Variants in GDPD1 observed in about 807,000 individuals in gnomAD.
GDPD1 encodes the protein glycerophosphodiester phosphodiesterase domain containing 1, also known as lysophospholipase D GDPD1.
Under a neutral mutation model 45.1 loss-of-function variants are expected in GDPD1, and 28 were observed. The ratio of observed to expected loss-of-function variants is 0.62; its 90% CI spans 0.46 to 0.85. The LOEUF (loss-of-function observed/expected upper bound fraction) is 0.85. GDPD1 is among the 40% of genes least tolerant of loss of function. The probability of loss-of-function intolerance (pLI) is 0.00; values close to 1 mark genes in which losing one functional copy is unlikely to be tolerated. For synonymous variants in GDPD1, 139 were observed against 131.4 expected (o/e 1.06, Z -0.40); for missense variants, 256 against 364.8 (o/e 0.70, Z 2.43).
chr17:59,238,251 A>G (rs1338318636), intron 2 of GDPD1, among the ~76,000 whole-genome samples: 4 of 140,564 alleles, frequency 2.8e-5, no homozygotes, highest in Admixed American at 7.3e-5. Flanking sequence ...CTGGGCAACA[A>G]GAGTGAAACT....
chr17:59,244,935 G>A (rs1028747013), intron 2 of GDPD1, among the ~76,000 whole-genome samples: 16 of 152,262 alleles, frequency 1.1e-4, no homozygotes, highest in African/African-American at 3.6e-4. Context: ...GTTTGAGGAT[G>A]CAATGAGCCA....
chr17:59,250,880 A>G (rs1228346065), intron 4 of GDPD1, among the ~76,000 whole-genome samples: 1 of 151,996 alleles, frequency 6.6e-6, no homozygotes, highest in Non-Finnish European at 1.5e-5. Context: ...TTGTATTTTT[A>G]GTAGAGACGA....
At position 59,239,814 on chromosome 17, in the gene GDPD1, A is replaced by G. The variant is rs78220131; in HGVS notation, c.185+5280A>G. On this transcript the variant is annotated intron_variant, in intron 2 of 9. Coordinates refer to ENST00000284116, the MANE Select transcript of GDPD1 (RefSeq NM_182569.4). ...AGGACACACTGTTTTTTTTTTTTTA[A>G]CCTCCCCCTCTCCAGCTCAAGCGAT... Among the ~76,000 whole-genome samples the G allele has an allele frequency of 2.0e-5, 3 of 147,674 alleles. No homozygotes were observed. In the Admixed American group the frequency reaches 2.0e-4, roughly 10 times the overall value.
chr17:59,270,437 G>A (rs1445524310), intron 7 of GDPD1, among the ~76,000 whole-genome samples: 1 of 151,938 alleles, frequency 6.6e-6, no homozygotes, highest in African/African-American at 2.4e-5. Flanking sequence ...GAACTCAGGT[G>A]ATGCACCAGC....
chr17:59,262,629 GTTTTTTTTTGTTTT>G (rs1393673998), intron 6 of GDPD1, among the ~76,000 whole-genome samples: 4 of 131,190 alleles, frequency 3.0e-5, no homozygotes, highest in African/African-American at 1.1e-4. Context: ...TCTTGGTTTT[GTTTTTTTTTGTTTT>G]TTTTTTTTGA....
chr17:59,269,482 C>G (rs542258752), intron 7 of GDPD1, among the ~76,000 whole-genome samples: 16 of 147,274 alleles, frequency 1.1e-4, no homozygotes, highest in South Asian at 2.3e-4. Context: ...TCTACCCCCC[C>G]CCCCAAAAAA....
rs142020047 is a variant in GDPD1, at chr17:59,253,678, T to C, written c.368-3444T>C. On this transcript the variant is annotated intron_variant, in intron 4 of 9. Transcript: ENST00000284116. ...GATTCTTACATGCATCTTACTTGAC[T>C]GCTAAATTAATTTTTTAATTTGCCC... Among the ~76,000 whole-genome samples the C allele has an allele frequency of 1.6e-4, 24 of 152,326 alleles. No individual in the cohort carries two copies. The Middle Eastern group carries it at 0.01, about 65-fold the overall frequency.
chr17:59,268,420 CA>C (rs1346641303), intron 7 of GDPD1, among the ~76,000 whole-genome samples: 9 of 149,588 alleles, frequency 6.0e-5, no homozygotes, highest in Admixed American at 4.7e-4. Context: ...ACTAAAAATA[CA>C]AAAAAAAATT....
intron 6 of GDPD1, among the ~76,000 whole-genome samples, chr17:59,263,850 C>A (rs1367303127): frequency 6.6e-6 from 1 of 151,180 alleles, no homozygotes; most frequent in Non-Finnish European, 1.5e-5. Context: ...GATGTAAACC[C>A]AAAATATAAA....
intron 7 of GDPD1, among the ~76,000 whole-genome samples, chr17:59,267,484 C>G (rs1249501216): frequency 3.3e-5 from 5 of 152,030 alleles, no homozygotes; most frequent in Non-Finnish European, 7.4e-5. Flanking sequence ...CCTCCACTTT[C>G]CCTTATTGCT....
At chr17:59,246,292 C>CA (rs1364875280) in intron 3 of GDPD1, among the ~76,000 whole-genome samples, 2 of 151,796 alleles carry the variant, frequency 1.3e-5, no homozygotes, top group African/African-American at 4.8e-5. Flanking sequence ...CACTGTGCAT[C>CA]ATGTATATTG....
At chr17:59,252,345 C>T (rs1018987480) in intron 4 of GDPD1, among the ~76,000 whole-genome samples, 8 of 151,750 alleles carry the variant, frequency 5.3e-5, no homozygotes, top group South Asian at 2.1e-4. Flanking sequence ...TTCAAGCAAT[C>T]CTCCTGCCTC....
At chr17:59,256,642 T>G (rs117467343) in intron 4 of GDPD1, among the ~76,000 whole-genome samples, 1 of 152,150 alleles carries the variant, frequency 6.6e-6, no homozygotes, top group Non-Finnish European at 1.5e-5. Flanking sequence ...TTTAAAAAAT[T>G]ATGATAGAAT....
rs144557805 is a variant in GDPD1 at position 59,232,054 on chromosome 17, G to A, written c.143-2438G>A. Among the ~76,000 whole-genome samples the A allele has an allele frequency of 5.2e-3, 789 of 152,242 alleles. 11 individuals carry two copies. Among genetic ancestry groups the A allele is most frequent in the African/African-American group, 0.018 (747 of 41,552 alleles). Reference sequence around the variant, plus strand: ...ACTCTGGCCTTTGACTATGTTTAGCGATGATAATGAACAAGTTGGTGACTT... The same window carrying A: ...ACTCTGGCCTTTGACTATGTTTAGCAATGATAATGAACAAGTTGGTGACTT... On this transcript the variant is annotated intron_variant, in intron 1 of 9. Transcript: ENST00000284116.
chr17:59,261,034 A>G (rs902468253), intron 6 of GDPD1, among the ~76,000 whole-genome samples: 2 of 151,964 alleles, frequency 1.3e-5, no homozygotes, highest in Admixed American at 6.6e-5. Context: ...TGCATGATTT[A>G]GGCTCACTGC....
intron 1 of GDPD1, among the ~76,000 whole-genome samples, chr17:59,227,899 G>A (rs1272385238): frequency 6.6e-6 from 1 of 152,222 alleles, no homozygotes; most frequent in African/African-American, 2.4e-5. Context: ...GCTGGGCACA[G>A]TGGCTTACGC....
rs71367681 is a variant in GDPD1 at position 59,259,566 on chromosome 17, CAAAAAAAA to C, written c.576+1744_576+1751del. On this transcript the variant is annotated intron_variant, in intron 6 of 9. Transcript: ENST00000284116. ...TGGGTGACAGAGCAAGACTCTGTCT[CAAAAAAAA>C]AAAAAAAAAAAAAAAAATACAAAAA... 5.6e-4 allele frequency among the ~76,000 whole-genome samples: 14 copies of C among 24,848 alleles called. No individual in the cohort carries two copies. The East Asian group carries it at 7.6e-3, about 14-fold the overall frequency. The allele number at this position is 24,848 out of a possible 152,430, so 16.3% of individuals were successfully genotyped here.
At chr17:59,265,285 A>G (rs1372293412) in intron 6 of GDPD1, among the ~76,000 whole-genome samples, 1 of 152,062 alleles carries the variant, frequency 6.6e-6, no homozygotes, top group African/African-American at 2.4e-5. Context: ...TTGTCATTCC[A>G]GCACTTTGGG....
At chr17:59,233,697 T>G (rs1227596201) in intron 1 of GDPD1, among the ~76,000 whole-genome samples, 1 of 152,136 alleles carries the variant, frequency 6.6e-6, no homozygotes, top group Non-Finnish European at 1.5e-5. Flanking sequence ...TATTTTTTAC[T>G]GTTAAGTACT....
Sources: allele counts gnomAD v4.1 joint callset (sites outside exome capture counted in the v4.1 genomes callset), GRCh38; gene constraint gnomAD v4.1.1; transcripts MANE v1.5; gene names NCBI Gene and HGNC (gene_info 2026-07-23, HGNC 2026-07-21).